Variants in COTL1 observed in about 807,000 individuals in gnomAD.
The protein encoded by COTL1 is coactosin-like protein.
COTL1 carries 15 observed loss-of-function variants against 16.5 expected under a neutral mutation model. The observed-to-expected ratio is 0.91, with a 90% CI of 0.61 to 1.40. The LOEUF (loss-of-function observed/expected upper bound fraction) is 1.40, where lower values mean the gene tolerates loss of function less well. Ranked by LOEUF, COTL1 falls within the 40% of genes most tolerant of loss-of-function variation. The pLI, the probability that COTL1 is intolerant of heterozygous loss-of-function variation, is 0.00. For synonymous variants in COTL1, 112 were observed against 85.3 expected (o/e 1.31, Z -1.73); for missense variants, 220 against 201.5 (o/e 1.09, Z -0.56).
chr16:84,617,691 C>T (rs984572356), intron 1 of COTL1, 108 bp from the exon 2 acceptor site: 2 of 1,389,884 alleles, frequency 1.4e-6, no homozygotes, highest in Non-Finnish European at 2.0e-6. Flanking sequence ...ACGGAGAAGC[C>T]CGCGGGGGCC....
intron 3 of COTL1, among the ~76,000 whole-genome samples, chr16:84,578,462 A>C (rs898722139): frequency 6.6e-6 from 1 of 152,250 alleles, no homozygotes; most frequent in African/African-American, 2.4e-5. Flanking sequence ...CAATTCCATG[A>C]GATATTATCA....
chr16:84,585,423 C>G (rs901821988), intron 3 of COTL1, among the ~76,000 whole-genome samples: 1 of 151,572 alleles, frequency 6.6e-6, no homozygotes, highest in African/African-American at 2.4e-5. Context: ...AATTAATTTA[C>G]ACCCTCCACG....
At chr16:84,591,379 T>C (rs1597176302) in intron 2 of COTL1, among the ~76,000 whole-genome samples, 1 of 151,760 alleles carries the variant, frequency 6.6e-6, no homozygotes, top group African/African-American at 2.4e-5. Flanking sequence ...GAGATGGGGT[T>C]TCACTGTGTT....
At chr16:84,584,203 G>A (rs1434519309) in intron 3 of COTL1, among the ~76,000 whole-genome samples, 4 of 152,256 alleles carry the variant, frequency 2.6e-5, no homozygotes, top group South Asian at 4.1e-4. Context: ...TGCGTTCAGC[G>A]CATTCCCCGG....
At chr16:84,596,638 C>T (rs1198542327) in intron 2 of COTL1, 1 of 152,324 alleles carries the variant, frequency 6.6e-6, no homozygotes, top group Non-Finnish European at 1.5e-5. Context: ...CCACGGCACC[C>T]AGGGCATGGT....
chr16:84,599,648 G>C (rs1465351935), intron 2 of COTL1, among the ~76,000 whole-genome samples: 1 of 152,188 alleles, frequency 6.6e-6, no homozygotes, highest in East Asian at 1.9e-4. Flanking sequence ...GCCAAAGAAA[G>C]GGGGAAGGGG....
rs1400718208 is a variant in COTL1 at position 84,617,588 on chromosome 16, G to A, written c.78-5C>T. The A allele has an allele frequency of 6.4e-7, 1 of 1,553,604 alleles. No individual in the cohort carries two copies. The highest frequency in any genetic ancestry group is 8.7e-7 in the Non-Finnish European group (1 of 1,147,770). ...CCGTCATATTTAAAAGTCACCCTTT[G>A]GGTTGGGAGAAGAAAAAAACACACA... On this transcript the variant is annotated splice_region_variant and splice_polypyrimidine_tract_variant and intron_variant, in intron 1 of 3. Coordinates refer to ENST00000262428, the MANE Select transcript of COTL1 (RefSeq NM_021149.5).
At chr16:84,609,946 C>T (rs1333008327) in intron 2 of COTL1, among the ~76,000 whole-genome samples, 2 of 152,180 alleles carry the variant, frequency 1.3e-5, no homozygotes, top group South Asian at 2.1e-4. Flanking sequence ...TTCATAGCAG[C>T]GTGAGAAGAG....
At chr16:84,610,326 T>C (rs990561171) in intron 2 of COTL1, among the ~76,000 whole-genome samples, 2 of 152,206 alleles carry the variant, frequency 1.3e-5, no homozygotes, top group African/African-American at 4.8e-5. Flanking sequence ...AAGTGAACCG[T>C]CTAAAGAGAA....
intron 3 of COTL1, among the ~76,000 whole-genome samples, chr16:84,577,544 C>T (rs1344837378): frequency 6.6e-6 from 1 of 152,140 alleles, no homozygotes; most frequent in Non-Finnish European, 1.5e-5. Flanking sequence ...CATGCCTGGC[C>T]GGAACAGGTT....
chr16:84,608,466 C>T (rs148993864), intron 2 of COTL1, among the ~76,000 whole-genome samples: 3 of 152,318 alleles, frequency 2.0e-5, no homozygotes, highest in East Asian at 1.9e-4. Flanking sequence ...ACAAAGCCCA[C>T]GCCCCTGTGG....
intron 2 of COTL1, chr16:84,595,916 G>C (rs1196617552): frequency 2.6e-5 from 4 of 151,680 alleles, no homozygotes; most frequent in Non-Finnish European, 5.9e-5. Context: ...GTATGTGTGT[G>C]TTATATATAT....
At chr16:84,589,982 G>C in intron 3 of COTL1, 123 bp downstream of exon 3, 1 of 925,100 alleles carries the variant, frequency 1.1e-6, no homozygotes, top group Admixed American at 2.6e-5. Context: ...CAGAGACATA[G>C]CATGGCTTGT....
chr16:84,591,215 G>A (rs1470263934), intron 2 of COTL1, among the ~76,000 whole-genome samples: 16 of 142,758 alleles, frequency 1.1e-4, no homozygotes, highest in East Asian at 2.0e-4. Context: ...ACAGAGTCTC[G>A]CTCTGTCGCC....
At chr16:84,585,033 A>G (rs922083219) in intron 3 of COTL1, among the ~76,000 whole-genome samples, 1 of 152,232 alleles carries the variant, frequency 6.6e-6, no homozygotes, top group Non-Finnish European at 1.5e-5. Flanking sequence ...AAATTACTCC[A>G]TTAAAACAAA....
chr16:84,571,448 G>T (rs1440526416), intron 3 of COTL1, among the ~76,000 whole-genome samples: 3 of 152,124 alleles, frequency 2.0e-5, no homozygotes, highest in Non-Finnish European at 2.9e-5. Flanking sequence ...CCATGAGGCT[G>T]GTTAAGCGGC....
At position 84,589,364 on chromosome 16, in the gene COTL1, A is replaced by C. The variant is rs915161728; in HGVS notation, c.318+741T>G. Among the ~76,000 whole-genome samples, 3 of 152,364 alleles carry C rather than the reference A, an allele frequency of 2.0e-5. No individual in the cohort carries two copies. In the East Asian group the frequency reaches 5.8e-4, roughly 29 times the overall value. On this transcript the variant is annotated intron_variant, in intron 3 of 3. Coordinates refer to ENST00000262428, the MANE Select transcript of COTL1 (RefSeq NM_021149.5). ...ATAATGTGCATGGTGGAGGATGGGC[A>C]GTGGTACCCCCCGCCCTCTGTAACA... is the stretch of plus-strand genomic sequence containing the variant.
chr16:84,574,234 C>T lies in COTL1; in HGVS notation c.319-7279G>A, dbSNP rs138011828. On this transcript the variant is annotated intron_variant, in intron 3 of 3. Transcript: ENST00000262428. ...CATCCCAGGGGACACAGCAACTTCCCGGCAGGGCCCTGGGGATGCGTTCCT... is the reference window on the plus strand; with the variant it reads ...CATCCCAGGGGACACAGCAACTTCCTGGCAGGGCCCTGGGGATGCGTTCCT... 2.4e-4 allele frequency among the ~76,000 whole-genome samples: 36 copies of T among 152,286 alleles called. 1 individual carries two copies. The highest frequency in any genetic ancestry group is 7.2e-4 in the African/African-American group (30 of 41,562).
At position 84,617,772 on chromosome 16, in the gene COTL1, G is replaced by A. The variant is rs1381086222; in HGVS notation, c.77+66C>T. The A allele has an allele frequency of 1.1e-5, 16 of 1,481,752 alleles. No homozygotes were observed. The South Asian group carries it at 1.5e-4, about 13-fold the overall frequency. The allele number at this position is 1,481,752 out of a possible 1,614,324, so 91.8% of individuals were successfully genotyped here. A position where few individuals can be genotyped will look rare whatever the true frequency, so the allele number is the denominator to read the frequency against. On this transcript the variant is annotated intron_variant, in intron 1 of 3. Transcript: ENST00000262428. Reference sequence around the variant, plus strand: ...CCGAATCCGTCCCGCCTGGAGGCCGGCTCGGTGCACGAGGCCCCGCGCGAG... The same window carrying A: ...CCGAATCCGTCCCGCCTGGAGGCCGACTCGGTGCACGAGGCCCCGCGCGAG...
Sources: gnomAD v4.1 joint callset for allele counts (sites outside exome capture counted in the v4.1 genomes callset) on GRCh38, gnomAD v4.1.1 for gene constraint, MANE v1.5 for transcripts, NCBI Gene and HGNC (gene_info 2026-07-23, HGNC 2026-07-21) for gene names.